BRSK2: variants seen among roughly 807,000 people sequenced by gnomAD.
BRSK2 encodes the protein serine/threonine-protein kinase BRSK2.
A neutral mutation model predicts 83.3 loss-of-function variants in BRSK2; 19 were observed. That is an observed-to-expected ratio of 0.23 (90% confidence interval 0.16 to 0.33). The LOEUF is 0.33. BRSK2 is among the 10% of genes least tolerant of loss of function. BRSK2 has a pLI of 1.00. For synonymous variants in BRSK2, 519 were observed against 435.4 expected (o/e 1.19, Z -2.39); for missense variants, 798 against 1,042.3 (o/e 0.77, Z 3.23).
chr11:1,402,886 G>C (rs988334372), intron 1 of BRSK2, among the ~76,000 whole-genome samples: 7 of 152,162 alleles, frequency 4.6e-5, no homozygotes, highest in African/African-American at 1.7e-4. Flanking sequence ...GAGATGGAGG[G>C]CTCGGATCTG....
chr11:1,449,869 T>G (rs1165682766), intron 13 of BRSK2, 33 bp downstream of exon 13: 1 of 1,524,894 alleles, frequency 6.6e-7, no homozygotes, highest in Admixed American at 1.7e-5. Flanking sequence ...CCAGCTCGGA[T>G]GCACAGAGGC....
chr11:1,418,049 C>CA (rs1848276611), intron 1 of BRSK2, among the ~76,000 whole-genome samples: 1 of 148,982 alleles, frequency 6.7e-6, no homozygotes, highest in Non-Finnish European at 1.5e-5. Flanking sequence ...GAGTGGTTCT[C>CA]CTGTGTCCTG....
intron 8 of BRSK2, among the ~76,000 whole-genome samples, chr11:1,444,455 G>A (rs552559407): frequency 6.6e-6 from 1 of 152,248 alleles, no homozygotes; most frequent in African/African-American, 2.4e-5. Context: ...GGGCCGTGTG[G>A]CTGGCCGGCC....
At chr11:1,411,069 A>C in intron 1 of BRSK2, 1 of 1,119,494 alleles carries the variant, frequency 8.9e-7, no homozygotes, top group Non-Finnish European at 1.1e-6. Context: ...TTTGGCAGGA[A>C]GGAGGAGGGG....
intron 1 of BRSK2, among the ~76,000 whole-genome samples, chr11:1,394,408 C>T (rs1184305484): frequency 6.3e-5 from 4 of 63,748 alleles, no homozygotes; most frequent in African/African-American, 1.0e-4. Context: ...GGAGATGGGC[C>T]CCTGGAGATG....
At position 1,461,236 on chromosome 11, in the gene BRSK2, G is replaced by A; in HGVS notation, c.*513G>A. 1 of 589,826 alleles carries A rather than the reference G, an allele frequency of 1.7e-6. No homozygotes were observed. Among genetic ancestry groups the A allele is most frequent in the East Asian group, 3.1e-5 (1 of 31,808 alleles). 36.5% of individuals were successfully genotyped at this position (589,826 alleles called of 1,614,324 possible). A position where few individuals can be genotyped will look rare whatever the true frequency, so the allele number is the denominator to read the frequency against. On this transcript the variant is annotated 3_prime_UTR_variant, in exon 20 of 20. Coordinates refer to ENST00000528841, the MANE Select transcript of BRSK2 (RefSeq NM_001256627.2). ...CCTCAGCAAGAACAGCCTGCCTGGT[G>A]GCCTTCTGGGGCCAGGACCCCTGGT...
At chr11:1,433,535 C>T (rs543714297) in intron 1 of BRSK2, among the ~76,000 whole-genome samples, 9 of 152,390 alleles carry the variant, frequency 5.9e-5, no homozygotes, top group South Asian at 4.1e-4. Flanking sequence ...TCACGGACCA[C>T]GCCTTAGCCT....
intron 18 of BRSK2, 31 bp downstream of exon 18, chr11:1,456,718 G>T (rs748276862): frequency 6.4e-7 from 1 of 1,562,608 alleles, no homozygotes; most frequent in Non-Finnish European, 8.7e-7. Flanking sequence ...GCCAACCTGC[G>T]GCCTGCGAGT....
intron 14 of BRSK2, 25 bp downstream of exon 14, chr11:1,450,819 G>C (rs368324160): frequency 3.2e-6 from 5 of 1,575,936 alleles, no homozygotes; most frequent in Admixed American, 1.9e-5. Flanking sequence ...GGAGGCGCCA[G>C]AGTGGGGCTG....
chr11:1,445,125 G>A lies in BRSK2; in HGVS notation c.812+123G>A, dbSNP rs77922004. The A allele has an allele frequency of 2.3e-5, 35 of 1,495,454 alleles. 2 individuals carry two copies. Among genetic ancestry groups the A allele is most frequent in the African/African-American group, 8.3e-5 (6 of 72,376 alleles). 92.6% of individuals were successfully genotyped at this position (1,495,454 alleles called of 1,614,324 possible). ...AGGTCCTGCCCTGCCTTGGCCCTCC[G>A]TGGCCTGCGCTGGGTGCGGGGTGCG... On this transcript the variant is annotated intron_variant, in intron 9 of 19. Transcript: ENST00000528841.
chr11:1,458,958 G>A (rs1169492260), intron 18 of BRSK2, among the ~76,000 whole-genome samples: 1 of 152,124 alleles, frequency 6.6e-6, no homozygotes, highest in Non-Finnish European at 1.5e-5. Flanking sequence ...AGGTGGCTCC[G>A]CCTTGTTCCC....
chr11:1,407,153 TGGA>T (rs1480454204), intron 1 of BRSK2, among the ~76,000 whole-genome samples: 1 of 152,148 alleles, frequency 6.6e-6, no homozygotes, highest in Admixed American at 6.5e-5. Flanking sequence ...CTGCAGGCCC[TGGA>T]GGAGGCTGCT....
intron 1 of BRSK2, among the ~76,000 whole-genome samples, chr11:1,395,394 C>T (rs1322282865): frequency 6.6e-6 from 1 of 152,212 alleles, no homozygotes; most frequent in African/African-American, 2.4e-5. Context: ...AGTGACTGCG[C>T]CAGGGTGGAG....
chr11:1,456,984 T>C, intron 18 of BRSK2: 1 of 1,597,164 alleles, frequency 6.3e-7, no homozygotes, highest in Non-Finnish European at 8.5e-7. Flanking sequence ...AGGACTAAGC[T>C]GGGGTGCTGG....
chr11:1,459,145 C>G (rs142369569), intron 18 of BRSK2, 47 bp from the exon 19 acceptor site: 24 of 1,597,684 alleles, frequency 1.5e-5, no homozygotes, highest in Admixed American at 8.4e-5. Flanking sequence ...AGGCCCAGGA[C>G]AGCCTTTCAC....
chr11:1,416,201 C>G (rs1046466628), intron 1 of BRSK2, among the ~76,000 whole-genome samples: 5 of 152,172 alleles, frequency 3.3e-5, no homozygotes, highest in Non-Finnish European at 7.4e-5. Context: ...CAAACCACAG[C>G]ACTTTGATTT....
chr11:1,454,408 A>T lies in BRSK2; in HGVS notation c.1545-77A>T. The T allele has an allele frequency of 6.4e-7, 1 of 1,560,028 alleles. No homozygotes were observed. The highest frequency in any genetic ancestry group is 8.8e-7 in the Non-Finnish European group (1 of 1,137,984). On this transcript the variant is annotated intron_variant, in intron 15 of 19. Coordinates refer to ENST00000528841, the MANE Select transcript of BRSK2 (RefSeq NM_001256627.2). This position sits in a 1 kb window ranked among gnomAD's most constrained non-coding sequence, Gnocchi z 5.2. ...AGCGATGGAAGATTCCGCCGTTCCAACCCCAGATTCGAGGGAGGCAGGGGT... is the reference window on the plus strand; with the variant it reads ...AGCGATGGAAGATTCCGCCGTTCCATCCCCAGATTCGAGGGAGGCAGGGGT...
chr11:1,402,188 C>T (rs769228116), intron 1 of BRSK2, among the ~76,000 whole-genome samples: 7 of 152,308 alleles, frequency 4.6e-5, no homozygotes, highest in East Asian at 3.9e-4. Context: ...CCTGACCTTG[C>T]GCTCTCCAGA....
intron 1 of BRSK2, among the ~76,000 whole-genome samples, chr11:1,420,712 T>C (rs1348487978): frequency 6.6e-6 from 1 of 152,152 alleles, no homozygotes; most frequent in African/African-American, 2.4e-5. Context: ...ATACACCTCC[T>C]CCCTGCAGCC....
Sources: allele counts gnomAD v4.1 joint callset (sites outside exome capture counted in the v4.1 genomes callset), GRCh38; gene constraint gnomAD v4.1.1; non-coding constraint Gnocchi (gnomAD v3.1); transcripts MANE v1.5; gene names NCBI Gene and HGNC (gene_info 2026-07-23, HGNC 2026-07-21).